The following TAMM41 variants were observed in gnomAD, a reference collection of about 807,000 sequenced individuals.
TAMM41 encodes the protein phosphatidate cytidylyltransferase, mitochondrial.
Under a neutral mutation model 44.1 loss-of-function variants are expected in TAMM41, and 36 were observed. That is an observed-to-expected ratio of 0.82 (90% CI 0.63 to 1.08). TAMM41 has a LOEUF of 1.08. Among genes scored for constraint, TAMM41 ranks in the 50% least tolerant of loss-of-function variants. TAMM41 has a pLI of 0.00. For synonymous variants in TAMM41, 164 were observed against 153.1 expected, an observed-to-expected ratio of 1.07 and a Z score of -0.53; for missense variants, 417 against 404.3, an observed-to-expected ratio of 1.03 and a Z score of -0.27.
chr3:11,768,609 AAGG>A, the TAMM41 span, among the ~76,000 whole-genome samples: 2 of 152,264 alleles, frequency 1.3e-5, no homozygotes, highest in African/African-American at 4.8e-5. Flanking sequence ...TTTAGAGAAG[AAGG>A]AGAAACCAGT....
chr3:11,748,911 A>ATTTTTT, the TAMM41 span, among the ~76,000 whole-genome samples: 2 of 119,098 alleles, frequency 1.7e-5, no homozygotes, highest in African/African-American at 3.3e-5. Context: ...TGGGAAGTAG[A>ATTTTTT]TTTTTTTTTT....
At chr3:11,767,364 C>G in the TAMM41 span, among the ~76,000 whole-genome samples, 1 of 151,936 alleles carries the variant, frequency 6.6e-6, no homozygotes, top group Non-Finnish European at 1.5e-5. Context: ...TCACCAGGTC[C>G]AGCCAGGGTA....
downstream of TAMM41, among the ~76,000 whole-genome samples, chr3:11,787,471 T>A (rs1004177958): frequency 3.3e-5 from 5 of 152,174 alleles, no homozygotes; most frequent in Middle Eastern, 3.2e-3. Context: ...ATACCCCTTC[T>A]TTTTTGTTTC....
chr3:11,760,913 T>A, the TAMM41 span, among the ~76,000 whole-genome samples: 6,849 of 147,360 alleles, frequency 0.046, 192 homozygotes, highest in East Asian at 0.18. Flanking sequence ...ACATCTGTAA[T>A]CCCAGCACTT....
intron 3 of TAMM41, chr3:11,833,149 G>A: frequency 7.8e-7 from 1 of 1,284,370 alleles, no homozygotes; most frequent in Non-Finnish European, 1.0e-6. Flanking sequence ...CTGCCAGAGA[G>A]GCCTGGGAAA....
intron 7 of TAMM41, among the ~76,000 whole-genome samples, chr3:11,801,209 T>C (rs2077743888): frequency 6.6e-6 from 1 of 152,002 alleles, no homozygotes; most frequent in Non-Finnish European, 1.5e-5. Context: ...AAGTATCTTC[T>C]CAGACAATAG....
the TAMM41 span, among the ~76,000 whole-genome samples, chr3:11,738,720 C>T: frequency 6.6e-6 from 1 of 152,204 alleles, no homozygotes; most frequent in African/African-American, 2.4e-5. Flanking sequence ...CTGTCCATCC[C>T]CTATTCCTCA....
rs745429369 is a variant in TAMM41, at chr3:11,807,840, A to G, written c.930T>C (p.Phe310=). The change falls in exon 7 of 8, where the codon TTT becomes TTC. Residue 310 remains phenylalanine (F), a synonymous_variant. Transcript: ENST00000455809. ...GATTTCCAAAGCTCTTACCAGCAGTAAAAATGCCTTTCGTGCTCTGTCTTA... is the reference window on the plus strand; with the variant it reads ...GATTTCCAAAGCTCTTACCAGCAGTGAAAATGCCTTTCGTGCTCTGTCTTA... The part of the protein sequence containing the change: ...SSIRQSTKGI[F]TAGLKKSVIY... 10 of 1,536,116 alleles carry G rather than the reference A, an allele frequency of 6.5e-6. No individual in the cohort carries two copies. The South Asian group carries it at 8.3e-5, about 13-fold the overall frequency.
chr3:11,840,071 C>G (rs1452353536), intron 2 of TAMM41, among the ~76,000 whole-genome samples: 2 of 152,006 alleles, frequency 1.3e-5, no homozygotes. Context: ...TTTTCCACAC[C>G]TGTATGATTG....
the TAMM41 span, among the ~76,000 whole-genome samples, chr3:11,754,068 T>A: frequency 0.24 from 36,795 of 152,034 alleles, 4,528 homozygotes; most frequent in Non-Finnish European, 0.28. Context: ...TCCCAGCTCC[T>A]CTCATTCTAC....
chr3:11,840,873 G>T (rs2079404822), intron 2 of TAMM41, among the ~76,000 whole-genome samples: 2 of 152,072 alleles, frequency 1.3e-5, no homozygotes, highest in African/African-American at 4.8e-5. Context: ...CAGAATTTCA[G>T]TCTGGTCTTC....
chr3:11,819,753 CCAAAA>C (rs1394167776), intron 4 of TAMM41, among the ~76,000 whole-genome samples: 9 of 151,130 alleles, frequency 6.0e-5, no homozygotes, highest in Admixed American at 5.9e-4. Flanking sequence ...TTTAAGCATA[CCAAAA>C]CAAAAAAAAC....
the TAMM41 span, among the ~76,000 whole-genome samples, chr3:11,772,271 C>G: frequency 6.9e-6 from 1 of 145,776 alleles, no homozygotes; most frequent in Non-Finnish European, 1.5e-5. Context: ...TTAGTAGAGA[C>G]GGGCTTTCAC....
At chr3:11,725,310 T>C in the TAMM41 span, among the ~76,000 whole-genome samples, 2 of 71,482 alleles carry the variant, frequency 2.8e-5, no homozygotes, top group Admixed American at 1.5e-4. Context: ...TCCTCCTTTT[T>C]TTCTTCTCCT....
At chr3:11,795,277 A>G (rs2077577375) in intron 7 of TAMM41, among the ~76,000 whole-genome samples, 1 of 152,186 alleles carries the variant, frequency 6.6e-6, no homozygotes, top group African/African-American at 2.4e-5. Flanking sequence ...AATAGGATTT[A>G]AAAATTAAAC....
At chr3:11,794,686 A>G (rs2077563907) in intron 7 of TAMM41, among the ~76,000 whole-genome samples, 1 of 152,200 alleles carries the variant, frequency 6.6e-6, no homozygotes. Flanking sequence ...CTTGTTTCAC[A>G]TGACCTACAG....
At chr3:11,726,894 C>A in the TAMM41 span, among the ~76,000 whole-genome samples, 1 of 151,786 alleles carries the variant, frequency 6.6e-6, no homozygotes, top group African/African-American at 2.4e-5. Flanking sequence ...GCTAAAAATC[C>A]CATCTAGTAA....
chr3:11,779,440 T>A, the TAMM41 span, among the ~76,000 whole-genome samples: 1 of 152,240 alleles, frequency 6.6e-6, no homozygotes, highest in South Asian at 2.1e-4. Flanking sequence ...GCCAGCCCCA[T>A]GACCAACACA....
chr3:11,807,226 C>G, intron 7 of TAMM41: 1 of 1,429,680 alleles, frequency 7.0e-7, no homozygotes, highest in Non-Finnish European at 9.1e-7. Flanking sequence ...CTCTGTGGCT[C>G]ACCATACCAT....
Sources: gnomAD v4.1 joint callset for allele counts (sites outside exome capture counted in the v4.1 genomes callset) on GRCh38, gnomAD v4.1.1 for gene constraint, MANE v1.5 for transcripts, NCBI Gene and HGNC (gene_info 2026-07-23, HGNC 2026-07-21) for gene names.